Variants in WBP2NL observed in about 807,000 individuals in gnomAD.
WBP2NL encodes postacrosomal sheath WW domain-binding protein.
A neutral mutation model predicts 23.3 loss-of-function variants in WBP2NL; 27 were observed. The ratio of observed to expected loss-of-function variants is 1.16; its 90% CI spans 0.85 to 1.60. The LOEUF is 1.60. WBP2NL is among the 40% of genes most tolerant of loss of function. The pLI is 0.00. For missense variants in WBP2NL, 370 were observed against 389.5 expected (o/e 0.95, Z 0.42); for synonymous variants, 151 against 145.9 (o/e 1.03, Z -0.25).
intron 1 of WBP2NL, 129 bp from the exon 2 acceptor site, chr22:42,019,182 C>T: frequency 1.3e-6 from 1 of 741,678 alleles, no homozygotes; most frequent in South Asian, 1.9e-5. Flanking sequence ...AATCGTGCCA[C>T]TGCACTCCCG....
chr22:42,020,898 ATATATATATATT>A (rs1923891547), intron 4 of WBP2NL, among the ~76,000 whole-genome samples: 2 of 36,084 alleles, frequency 5.5e-5, no homozygotes, highest in Non-Finnish European at 9.5e-5. Context: ...ATATATATAT[ATATATATATATT>A]TTTTTTTTTT....
chr22:42,020,852 A>ATG lies in WBP2NL; in HGVS notation c.406+772_406+773dup, dbSNP rs59473793. Reference sequence around the variant, plus strand: ...TACAAATAATTTTTTTATCTCATATATGTGTGTGTGTGTGTGTATATATAT... The same window carrying ATG: ...TACAAATAATTTTTTTATCTCATATATGTGTGTGTGTGTGTGTGTATATATAT... On this transcript the variant is annotated intron_variant, in intron 4 of 5. Transcript: ENST00000328823. Among the ~76,000 whole-genome samples, 82 of 19,872 alleles carry ATG rather than the reference A, an allele frequency of 4.1e-3. 1 individual carries two copies. Among genetic ancestry groups the ATG allele is most frequent in the Admixed American group, 5.1e-3 (6 of 1,186 alleles). The allele number at this position is 19,872 out of a possible 152,430, so 13.0% of individuals were successfully genotyped here. A position where few individuals can be genotyped will look rare whatever the true frequency, so the allele number is the denominator to read the frequency against.
At chr22:42,045,939 A>G (rs1925570591) in intron 8 of WBP2NL, among the ~76,000 whole-genome samples, 1 of 152,250 alleles carries the variant, frequency 6.6e-6, no homozygotes, top group African/African-American at 2.4e-5. Flanking sequence ...TTGTTGATAG[A>G]CACATGCTGT....
At chr22:42,025,189 G>T (rs540436797) in intron 5 of WBP2NL, among the ~76,000 whole-genome samples, 2 of 151,996 alleles carry the variant, frequency 1.3e-5, no homozygotes, top group Non-Finnish European at 2.9e-5. Flanking sequence ...GTGAGAATTC[G>T]TTGCCAAATC....
At chr22:42,057,826 C>CATATATATAT (rs3045495) in intron 8 of WBP2NL, among the ~76,000 whole-genome samples, 1 of 98,158 alleles carries the variant, frequency 1.0e-5, no homozygotes, top group Non-Finnish European at 1.9e-5. Flanking sequence ...GTATTAAGGT[C>CATATATATAT]ATATATATAT....
intron 1 of WBP2NL, among the ~76,000 whole-genome samples, chr22:42,000,691 G>C (rs1403579496): frequency 6.6e-6 from 1 of 152,048 alleles, no homozygotes; most frequent in Non-Finnish European, 1.5e-5. Context: ...CACTTTGGGA[G>C]GCCCAGGTGG....
In WBP2NL at chr22:42,027,474, T is replaced by A. The variant is rs1170543963; in HGVS notation, c.*293T>A. ...TTTTTAAACATAACTTTTTCCACACTCGCATTCAAGGTTCCTGTCTTCCCA... is the reference window on the plus strand; with the variant it reads ...TTTTTAAACATAACTTTTTCCACACACGCATTCAAGGTTCCTGTCTTCCCA... On this transcript the variant is annotated 3_prime_UTR_variant, in exon 6 of 6. Transcript: ENST00000328823. 5 of 371,854 alleles carry A rather than the reference T, an allele frequency of 1.3e-5. No individual in the cohort carries two copies. 23.0% of individuals were successfully genotyped at this position (371,854 alleles called of 1,614,324 possible). A position where few individuals can be genotyped will look rare whatever the true frequency, so the allele number is the denominator to read the frequency against.
At chr22:42,025,366 A>G (rs913778299) in intron 5 of WBP2NL, among the ~76,000 whole-genome samples, 5 of 152,244 alleles carry the variant, frequency 3.3e-5, no homozygotes, top group South Asian at 2.1e-4. Context: ...CTCATCAGCT[A>G]TCGTTAGTGT....
intron 8 of WBP2NL, among the ~76,000 whole-genome samples, chr22:42,047,072 G>A (rs747556112): frequency 3.0e-4 from 46 of 151,972 alleles, no homozygotes; most frequent in Non-Finnish European, 5.3e-4. Flanking sequence ...CATTGCTGTC[G>A]TGAGAGACAA....
intron 1 of WBP2NL, among the ~76,000 whole-genome samples, chr22:42,014,083 G>A (rs1186983159): frequency 6.7e-6 from 1 of 150,342 alleles, no homozygotes; most frequent in African/African-American, 2.4e-5. Context: ...CACCCCACCG[G>A]CAAATTTTTA....
intron 1 of WBP2NL, among the ~76,000 whole-genome samples, chr22:42,007,487 C>T (rs1006869794): frequency 4.6e-5 from 7 of 152,162 alleles, no homozygotes; most frequent in Admixed American, 1.3e-4. Context: ...ATTTACATTC[C>T]TCTCAGTACT....
chr22:42,004,821 G>A (rs1226362159), intron 1 of WBP2NL, among the ~76,000 whole-genome samples: 2 of 152,136 alleles, frequency 1.3e-5, no homozygotes, highest in African/African-American at 2.4e-5. Context: ...CTACTCGGGA[G>A]GCCGAAGCAG....
At chr22:42,046,850 C>T (rs1925606868) in intron 8 of WBP2NL, among the ~76,000 whole-genome samples, 1 of 152,166 alleles carries the variant, frequency 6.6e-6, no homozygotes, top group Non-Finnish European at 1.5e-5. Flanking sequence ...TTTATATTTA[C>T]AAACATACGT....
intron 8 of WBP2NL, among the ~76,000 whole-genome samples, chr22:42,053,367 CTGTTT>C (rs1232350493): frequency 8.5e-5 from 13 of 152,266 alleles, no homozygotes; most frequent in Middle Eastern, 6.8e-3. Context: ...TATGGTAACT[CTGTTT>C]AACATTTTGA....
chr22:42,047,105 C>T (rs1420057086), intron 8 of WBP2NL, among the ~76,000 whole-genome samples: 1 of 151,988 alleles, frequency 6.6e-6, no homozygotes, highest in Non-Finnish European at 1.5e-5. Context: ...TGGTATGTTG[C>T]AAGCTTTCAA....
intron 8 of WBP2NL, chr22:42,058,181 G>C (rs1345083421): frequency 6.6e-6 from 1 of 151,636 alleles, no homozygotes. Flanking sequence ...CTCCCAAAGT[G>C]CTGGGATTAC....
chr22:42,001,633 G>A (rs1388236526), intron 1 of WBP2NL: 2 of 1,141,988 alleles, frequency 1.8e-6, no homozygotes, highest in African/African-American at 1.5e-5. Flanking sequence ...TCCCTGCAAA[G>A]TAGCGCCAAA....
At chr22:42,024,847 G>T (rs1319463354) in intron 5 of WBP2NL, among the ~76,000 whole-genome samples, 9 of 149,856 alleles carry the variant, frequency 6.0e-5, no homozygotes, top group African/African-American at 2.0e-4. Flanking sequence ...CTGTCACCCA[G>T]GCTGGAGTGC....
chr22:42,010,795 C>T (rs1256039147), intron 1 of WBP2NL, among the ~76,000 whole-genome samples: 1 of 152,198 alleles, frequency 6.6e-6, no homozygotes, highest in Admixed American at 6.5e-5. Context: ...GCCTTGGCCT[C>T]CCAAAGAGCT....
Sources: gnomAD v4.1 joint callset for allele counts (sites outside exome capture counted in the v4.1 genomes callset) on GRCh38, gnomAD v4.1.1 for gene constraint, MANE v1.5 for transcripts, NCBI Gene and HGNC (gene_info 2026-07-23, HGNC 2026-07-21) for gene names.